The following WWTR1 variants were observed in gnomAD, a reference collection of about 807,000 sequenced individuals.
WWTR1 encodes the protein WW domain containing transcription regulator 1.
A neutral mutation model predicts 40.1 loss-of-function variants in WWTR1; 13 were observed. The observed-to-expected ratio is 0.32, with a 90% CI of 0.21 to 0.52. The LOEUF is 0.52. Among genes scored for constraint, WWTR1 ranks in the 20% least tolerant of loss-of-function variants. WWTR1 has a pLI of 0.97. For synonymous variants in WWTR1, 230 were observed against 210.1 expected, an observed-to-expected ratio of 1.09 and a Z score of -0.82; for missense variants, 436 against 523.1, an observed-to-expected ratio of 0.83 and a Z score of 1.63.
chr3:149,716,139 T>C (rs1049372129), intron 5 of WWTR1, among the ~76,000 whole-genome samples: 3 of 152,112 alleles, frequency 2.0e-5, no homozygotes, highest in East Asian at 3.8e-4. Context: ...TCCCAGCACT[T>C]TGGGAGGCCG....
intron 2 of WWTR1, among the ~76,000 whole-genome samples, chr3:149,594,075 C>T (rs921661707): frequency 4.6e-5 from 7 of 151,996 alleles, no homozygotes; most frequent in East Asian, 1.9e-4. Context: ...TTCATCAAGC[C>T]GTTTATTTAT....
intron 2 of WWTR1, among the ~76,000 whole-genome samples, chr3:149,607,959 TAGAATGCA>T (rs1212732371): frequency 6.6e-6 from 1 of 152,232 alleles, no homozygotes; most frequent in African/African-American, 2.4e-5. Flanking sequence ...GAGATTCCAT[TAGAATGCA>T]AGTTTCGTGA....
intron 3 of WWTR1, among the ~76,000 whole-genome samples, chr3:149,543,606 A>T (rs970816543): frequency 2.1e-5 from 3 of 144,010 alleles, no homozygotes; most frequent in Non-Finnish European, 4.6e-5. Context: ...AAAAAAAAGA[A>T]CTTCACTTTA....
intron 3 of WWTR1, among the ~76,000 whole-genome samples, chr3:149,553,261 A>G (rs1263576306): frequency 1.3e-5 from 2 of 152,196 alleles, no homozygotes; most frequent in Non-Finnish European, 2.9e-5. Flanking sequence ...TTACTGCCCA[A>G]TGATCACCAA....
chr3:149,713,518 T>C (rs1396448155), intron 5 of WWTR1, among the ~76,000 whole-genome samples: 1 of 151,944 alleles, frequency 6.6e-6, no homozygotes, highest in Non-Finnish European at 1.5e-5. Context: ...GTAGCTGGGA[T>C]TACAGGTACC....
At chr3:149,628,874 T>A (rs1711498573) in intron 2 of WWTR1, among the ~76,000 whole-genome samples, 1 of 151,886 alleles carries the variant, frequency 6.6e-6, no homozygotes, top group Non-Finnish European at 1.5e-5. Flanking sequence ...CCCAGGCTCA[T>A]GTGATCTTCC....
intron 2 of WWTR1, among the ~76,000 whole-genome samples, chr3:149,633,280 T>G (rs1376053328): frequency 6.6e-6 from 1 of 152,116 alleles, no homozygotes; most frequent in Non-Finnish European, 1.5e-5. Flanking sequence ...TCCTAGCTAC[T>G]TAGGAGGCTG....
At position 149,584,728 on chromosome 3, in the gene WWTR1, T is replaced by A. The variant is rs139920489; in HGVS notation, c.432-11728A>T. ...TCTTCAGTCGAAAATATCACCCAAA[T>A]GAGGCAGAGTGGTACAGTGGATTTG... On this transcript the variant is annotated intron_variant, in intron 2 of 6. Coordinates refer to ENST00000360632, the MANE Select transcript of WWTR1 (RefSeq NM_015472.6). 3.6e-4 allele frequency among the ~76,000 whole-genome samples: 55 copies of A among 152,290 alleles called. 1 individual carries two copies. Among genetic ancestry groups the A allele is most frequent in the Admixed American group, 1.3e-3 (20 of 15,296 alleles).
chr3:149,553,489 T>C (rs1736701000), intron 3 of WWTR1, among the ~76,000 whole-genome samples: 1 of 152,024 alleles, frequency 6.6e-6, no homozygotes, highest in Non-Finnish European at 1.5e-5. Context: ...ATAGAAATGG[T>C]AGAGCATTTT....
chr3:149,645,225 G>C (rs142221530), intron 2 of WWTR1, among the ~76,000 whole-genome samples: 2 of 152,026 alleles, frequency 1.3e-5, no homozygotes, highest in Non-Finnish European at 2.9e-5. Flanking sequence ...GACTACAGGT[G>C]CCCGCCACCA....
At position 149,517,546 on chromosome 3, in the gene WWTR1, A is replaced by G. The variant is rs1734843783; in HGVS notation, c.*3259T>C. 2.6e-5 allele frequency: 4 copies of G among 152,166 alleles called. No homozygotes were observed. The South Asian group carries it at 8.3e-4, about 31-fold the overall frequency. The allele number at this position is 152,166 out of a possible 1,614,324, so 9.4% of individuals were successfully genotyped here. ...CATAAAAGTTGTACTTTGAGAAGTT[A>G]CTTTCTAATTACGTCATGAGAACAC... On this transcript the variant is annotated 3_prime_UTR_variant, in exon 7 of 7. Coordinates refer to ENST00000360632, the MANE Select transcript of WWTR1 (RefSeq NM_015472.6).
At chr3:149,608,514 T>C (rs1053080900) in intron 2 of WWTR1, among the ~76,000 whole-genome samples, 3 of 152,012 alleles carry the variant, frequency 2.0e-5, no homozygotes, top group African/African-American at 7.2e-5. Flanking sequence ...GCCTCCCAAG[T>C]AGCTAGGACT....
intron 6 of WWTR1, among the ~76,000 whole-genome samples, chr3:149,524,595 C>A (rs937175255): frequency 6.6e-6 from 1 of 152,158 alleles, no homozygotes; most frequent in Non-Finnish European, 1.5e-5. Context: ...GTAAAACAAT[C>A]AGTGCAAACT....
chr3:149,565,565 T>G (rs1737277354), intron 3 of WWTR1, among the ~76,000 whole-genome samples: 1 of 152,138 alleles, frequency 6.6e-6, no homozygotes, highest in Admixed American at 6.5e-5. Context: ...ATTTGGTAAT[T>G]TTTTTCAGTC....
At position 149,542,521 on chromosome 3, in the gene WWTR1, G is replaced by C; in HGVS notation, c.585C>G (p.His195Gln). 6.2e-7 allele frequency: 1 copy of C among 1,612,520 alleles called. No homozygotes were observed. Among genetic ancestry groups the C allele is most frequent in the South Asian group, 1.1e-5 (1 of 90,668 alleles). Reference sequence around the variant, plus strand: ...GGGTACTGGGGGCCATCTGCTGCTGGTGTTGGTGATTCATCACTGCAAGAG... The same window carrying C: ...GGGTACTGGGGGCCATCTGCTGCTGCTGTTGGTGATTCATCACTGCAAGAG... ...SQPNLVMNHQ[H>Q]QQQMAPSTLS... The change falls in exon 4 of 7, where the codon CAC becomes CAG. Residue 195 changes from histidine to glutamine, a missense_variant. By Grantham distance (24) the His-to-Gln change is conservative. Coordinates refer to ENST00000360632, the MANE Select transcript of WWTR1 (RefSeq NM_015472.6).
intron 1 of WWTR1, among the ~76,000 whole-genome samples, chr3:149,680,480 G>T (rs1714420350): frequency 6.6e-6 from 1 of 152,072 alleles, no homozygotes; most frequent in Non-Finnish European, 1.5e-5. Context: ...GGAGGCGGAG[G>T]TTGCAGTGAG....
At chr3:149,598,324 T>G (rs1274809870) in intron 2 of WWTR1, among the ~76,000 whole-genome samples, 1 of 152,248 alleles carries the variant, frequency 6.6e-6, no homozygotes, top group East Asian at 1.9e-4. Flanking sequence ...ATTTTACTTG[T>G]ATCATTATCT....
intron 3 of WWTR1, among the ~76,000 whole-genome samples, chr3:149,550,582 G>C (rs1251548714): frequency 6.6e-6 from 1 of 152,148 alleles, no homozygotes; most frequent in African/African-American, 2.4e-5. Flanking sequence ...TGTGTGCTTA[G>C]CTCTTTAAAA....
chr3:149,571,861 C>T (rs1184750143), intron 3 of WWTR1, among the ~76,000 whole-genome samples: 1 of 152,012 alleles, frequency 6.6e-6, no homozygotes, highest in African/African-American at 2.4e-5. Flanking sequence ...AAAATTGGCC[C>T]TTTTTTATTT....
Sources: allele counts gnomAD v4.1 joint callset (sites outside exome capture counted in the v4.1 genomes callset), GRCh38; gene constraint gnomAD v4.1.1; transcripts MANE v1.5; gene names NCBI Gene and HGNC (gene_info 2026-07-23, HGNC 2026-07-21).